Variants in MAT1A observed in about 807,000 individuals in gnomAD.
MAT1A encodes methionine adenosyltransferase 1A.
MAT1A carries 19 observed loss-of-function variants against 44.0 expected under a neutral mutation model. That is an observed-to-expected ratio of 0.43 (90% CI 0.30 to 0.63). MAT1A has a LOEUF of 0.63. Ranked by LOEUF, MAT1A falls within the 30% of genes least tolerant of loss-of-function variation. The probability of loss-of-function intolerance (pLI) is 0.12; values close to 1 mark genes in which losing one functional copy is unlikely to be tolerated. For synonymous variants in MAT1A, 205 were observed against 205.6 expected (o/e 1.00, Z 0.03); for missense variants, 397 against 531.0 (o/e 0.75, Z 2.48).
At chr10:80,289,217 G>C in intron 1 of MAT1A, 116 bp downstream of exon 1, 1 of 845,160 alleles carries the variant, frequency 1.2e-6, no homozygotes, top group South Asian at 1.3e-5. Flanking sequence ...AACAACACAC[G>C]GTACCCCATA....
chr10:80,284,096 C>T (rs1841609448), intron 2 of MAT1A, 58 bp from the exon 3 acceptor site: 1 of 1,598,394 alleles, frequency 6.3e-7, no homozygotes, highest in Non-Finnish European at 8.5e-7. Flanking sequence ...AAGGGAAGCT[C>T]ACATTCCCAG....
At chr10:80,282,708 C>T (rs957396803) in intron 3 of MAT1A, among the ~76,000 whole-genome samples, 4 of 152,154 alleles carry the variant, frequency 2.6e-5, no homozygotes, top group African/African-American at 9.7e-5. Context: ...GTCATGCACT[C>T]AACCAATATT....
At chr10:80,284,709 G>A (rs7081136) in intron 2 of MAT1A, among the ~76,000 whole-genome samples, 4,938 of 152,314 alleles carry the variant, frequency 0.032, 231 homozygotes, top group African/African-American at 0.092. Context: ...AGAGGGTACC[G>A]TGATCCTGTC....
intron 1 of MAT1A, among the ~76,000 whole-genome samples, chr10:80,286,938 T>C (rs1360460659): frequency 2.6e-5 from 4 of 152,234 alleles, no homozygotes; most frequent in Non-Finnish European, 5.9e-5. Context: ...TGTGTTTTGT[T>C]TGTTTGTTTG....
chr10:80,288,452 C>G (rs1352368123), intron 1 of MAT1A, among the ~76,000 whole-genome samples: 1 of 152,190 alleles, frequency 6.6e-6, no homozygotes, highest in Non-Finnish European at 1.5e-5. Flanking sequence ...GAACCACTGT[C>G]CTACACTTGA....
At chr10:80,284,790 T>A (rs1384526988) in intron 2 of MAT1A, among the ~76,000 whole-genome samples, 1 of 152,204 alleles carries the variant, frequency 6.6e-6, no homozygotes, top group Non-Finnish European at 1.5e-5. Context: ...ACTCTGCCAC[T>A]GTGCCACAGG....
In MAT1A at chr10:80,276,565, G is replaced by A. The variant is rs142189986; in HGVS notation, c.579C>T (p.Gly193=). 46 of 1,613,066 alleles carry A rather than the reference G, an allele frequency of 2.9e-5. No individual in the cohort carries two copies. In the East Asian group the frequency reaches 3.3e-4, roughly 12 times the overall value. Residue 193 remains glycine (G), a synonymous_variant, in exon 6 of 9, where the codon GGC becomes GGT. Coordinates refer to ENST00000372213, the MANE Select transcript of MAT1A (RefSeq NM_000429.3). ...TGTGGATGCGCACAGGGATGACTGC[G>A]CCATTGTCCTGCATGTACTGAACTG... is the stretch of plus-strand genomic sequence containing the variant. ...QVTVQYMQDN[G]AVIPVRIHTI...
intron 1 of MAT1A, among the ~76,000 whole-genome samples, chr10:80,286,365 C>T (rs1433145565): frequency 6.6e-6 from 1 of 152,016 alleles, no homozygotes; most frequent in Non-Finnish European, 1.5e-5. Context: ...TGCAATGCAC[C>T]GTATATAAAA....
At chr10:80,276,783 G>T (rs1419993189) in intron 5 of MAT1A, among the ~76,000 whole-genome samples, 189 bp from the exon 6 acceptor site, 1 of 152,212 alleles carries the variant, frequency 6.6e-6, no homozygotes, top group African/African-American at 2.4e-5. Flanking sequence ...TGGTGCTGTG[G>T]GAGGACTGGG....
rs10694757 is a variant in MAT1A, at chr10:80,289,495, T to TTTC, written c.-75_-73dup. 7.5e-3 allele frequency: 5,469 copies of TTTC among 732,516 alleles called. 19 individuals are homozygous for TTTC. Among genetic ancestry groups the TTTC allele is most frequent in the East Asian group, 0.02 (498 of 24,618 alleles). The allele number at this position is 732,516 out of a possible 1,614,324, so 45.4% of individuals were successfully genotyped here. On this transcript the variant is annotated 5_prime_UTR_variant, in exon 1 of 9. Transcript: ENST00000372213. The stretch of plus-strand genomic sequence containing the variant: ...GGCTGTGACTTTGCCTGAGTTTTTT[T>TTTC]TTCTTCTTCTTCTTCTTCTTTCAAC...
At chr10:80,288,404 A>G (rs1841677229) in intron 1 of MAT1A, among the ~76,000 whole-genome samples, 1 of 152,168 alleles carries the variant, frequency 6.6e-6, no homozygotes, top group Admixed American at 6.5e-5. Context: ...TTGTCTTGAC[A>G]AGCCCTCTGG....
In MAT1A at chr10:80,276,447, C is replaced by T. The variant is rs1050443258; in HGVS notation, c.697G>A (p.Ala233Thr). ...KEQVIRAVVPAKYLDEDTVYH... is the reference protein window; with the variant it reads ...KEQVIRAVVPTKYLDEDTVYH... ...ACGGTGTCTTCGTCCAGGTACTTGGCCGGCACCACGGCCCTGATGACTTGC... is the reference window on the plus strand; with the variant it reads ...ACGGTGTCTTCGTCCAGGTACTTGGTCGGCACCACGGCCCTGATGACTTGC... Residue 233 changes from alanine (A) to threonine (T), a missense_variant, in exon 6 of 9, where the codon GCC (alanine) becomes ACC (threonine). By Grantham distance (58) the Ala-to-Thr change is moderately conservative. Transcript: ENST00000372213. 2.5e-6 allele frequency: 4 copies of T among 1,614,048 alleles called. No homozygotes were observed. The highest frequency in any genetic ancestry group is 1.7e-5 in the Admixed American group (1 of 60,010).
At position 80,275,054 on chromosome 10, in the gene MAT1A, A is replaced by G. The variant is rs118204004; in HGVS notation, c.914T>C (p.Leu305Pro). Residue 305 changes from leucine to proline, a missense_variant, in exon 7 of 9, where the codon CTG becomes CCG. Coordinates refer to ENST00000372213, the MANE Select transcript of MAT1A (RefSeq NM_000429.3). ...TCTCCGGCAGAGCCCTGCTTTCACC[A>G]GAGACTTGGCCACCCAGCGGGCAGC... Reference protein sequence around the residue: ...AYAARWVAKSLVKAGLCRRVL... With the variant: ...AYAARWVAKSPVKAGLCRRVL... 1 of 1,565,304 alleles carries G rather than the reference A, an allele frequency of 6.4e-7. No homozygotes were observed. The highest frequency in any genetic ancestry group is 8.7e-7 in the Non-Finnish European group (1 of 1,155,596).
At position 80,280,202 on chromosome 10, in the gene MAT1A, G is replaced by A; in HGVS notation, c.520C>T (p.Pro174Ser). The A allele has an allele frequency of 6.2e-7, 1 of 1,614,106 alleles. No individual in the cohort carries two copies. The highest frequency in any genetic ancestry group is 1.3e-5 in the African/African-American group (1 of 75,026). Residue 174 changes from proline to serine, a missense_variant, in exon 5 of 9, where the codon CCC becomes TCC. Transcript: ENST00000372213. Reference sequence around the variant, plus strand: ...GTCTTAGAGTCAGGCCGCAGCCAGGGGAGGAGGCCGGAGCGCCTGAGGTCT... The same window carrying A: ...GTCTTAGAGTCAGGCCGCAGCCAGGAGAGGAGGCCGGAGCGCCTGAGGTCT... Reference protein sequence around the residue: ...MADLRRSGLLPWLRPDSKTQV... With the variant: ...MADLRRSGLLSWLRPDSKTQV...
intron 5 of MAT1A, among the ~76,000 whole-genome samples, chr10:80,277,666 G>A (rs558533620): frequency 3.4e-4 from 52 of 152,202 alleles, no homozygotes; most frequent in Non-Finnish European, 6.2e-4. Context: ...TGGAGCCTCG[G>A]GAGAAGGTGC....
At position 80,276,561 on chromosome 10, in the gene MAT1A, C is replaced by T. The variant is rs376307637; in HGVS notation, c.583G>A (p.Val195Ile). The T allele has an allele frequency of 6.8e-6, 11 of 1,613,250 alleles. No homozygotes were observed. Among genetic ancestry groups the T allele is most frequent in the Non-Finnish European group, 9.3e-6 (11 of 1,180,038 alleles). ...ATGGTGTGGATGCGCACAGGGATGACTGCGCCATTGTCCTGCATGTACTGA... is the reference window on the plus strand; with the variant it reads ...ATGGTGTGGATGCGCACAGGGATGATTGCGCCATTGTCCTGCATGTACTGA... Reference protein sequence around the residue: ...TVQYMQDNGAVIPVRIHTIVI... With the variant: ...TVQYMQDNGAIIPVRIHTIVI... The change falls in exon 6 of 9, where the codon GTC (valine) becomes ATC (isoleucine). Residue 195 changes from valine to isoleucine, a missense_variant. By Grantham distance (29) the Val-to-Ile change is conservative (BLOSUM62 3). Coordinates refer to ENST00000372213, the MANE Select transcript of MAT1A (RefSeq NM_000429.3).
At chr10:80,288,986 C>T (rs144222281) in intron 1 of MAT1A, among the ~76,000 whole-genome samples, 1 of 152,262 alleles carries the variant, frequency 6.6e-6, no homozygotes, top group Admixed American at 6.5e-5. Context: ...GTAACTCACA[C>T]ACATTGCTCT....
At chr10:80,287,792 G>C (rs1371185969) in intron 1 of MAT1A, among the ~76,000 whole-genome samples, 2 of 152,208 alleles carry the variant, frequency 1.3e-5, no homozygotes, top group Non-Finnish European at 2.9e-5. Flanking sequence ...CACAATGAAA[G>C]AGGCTATTTA....
Position 80,273,224 on chromosome 10 carries a change from CGAGAT to C in MAT1A, c.*552_*556del, listed in dbSNP as rs1564644915. 6.1e-6 allele frequency: 1 copy of C among 163,362 alleles called. No individual in the cohort carries two copies. Among genetic ancestry groups the C allele is most frequent in the East Asian group, 1.8e-4 (1 of 5,608 alleles). 10.1% of individuals were successfully genotyped at this position (163,362 alleles called of 1,614,324 possible). ...TCATCATGTTGCAGTGAAGAAAAAA[CGAGAT>C]CAGTTATTAGCTGGGTCCCTCGCAC... On this transcript the variant is annotated 3_prime_UTR_variant, in exon 9 of 9. Transcript: ENST00000372213.
Sources: gnomAD v4.1 joint callset for allele counts (sites outside exome capture counted in the v4.1 genomes callset) on GRCh38, gnomAD v4.1.1 for gene constraint, MANE v1.5 for transcripts, NCBI Gene and HGNC (gene_info 2026-07-23, HGNC 2026-07-21) for gene names.